Variants in SGCZ observed in about 807,000 individuals in gnomAD.
SGCZ encodes zeta-sarcoglycan.
SGCZ carries 40 observed loss-of-function variants against 41.3 expected under a neutral mutation model. The ratio of observed to expected loss-of-function variants is 0.97; its 90% CI spans 0.75 to 1.26. The LOEUF is 1.26. SGCZ is among the 50% of genes most tolerant of loss of function. SGCZ has a pLI of 0.00. For missense variants in SGCZ, 552 were observed against 369.8 expected (o/e 1.49, Z -4.04); for synonymous variants, 206 against 137.5 (o/e 1.50, Z -3.49).
chr8:15,038,543 C>T (rs1803951087), intron 1 of SGCZ, among the ~76,000 whole-genome samples: 1 of 151,438 alleles, frequency 6.6e-6, no homozygotes, highest in Admixed American at 6.6e-5. Context: ...TAACATTGGT[C>T]TGGTCAATGA....
rs974853302 is a variant in SGCZ at position 15,138,163 on chromosome 8, C to T, written c.39+99422G>A. 3.9e-5 allele frequency among the ~76,000 whole-genome samples: 6 copies of T among 152,292 alleles called. No homozygotes were observed. The South Asian group carries it at 1.0e-3, about 26-fold the overall frequency. On this transcript the variant is annotated intron_variant, in intron 1 of 7. Transcript: ENST00000382080. ...TGCCTTACTGGATTTTGGACTTGCACGCAGCCTGTAGCCCCTTGTTTTGGC... is the reference window on the plus strand; with the variant it reads ...TGCCTTACTGGATTTTGGACTTGCATGCAGCCTGTAGCCCCTTGTTTTGGC...
intron 1 of SGCZ, among the ~76,000 whole-genome samples, chr8:14,703,258 G>A (rs556848058): frequency 5.3e-5 from 8 of 151,850 alleles, no homozygotes; most frequent in Admixed American, 2.6e-4. Flanking sequence ...ATCTCTTACC[G>A]TCAACCCCTT....
At chr8:14,628,519 G>A (rs1806537751) in intron 1 of SGCZ, among the ~76,000 whole-genome samples, 1 of 151,980 alleles carries the variant, frequency 6.6e-6, no homozygotes, top group South Asian at 2.1e-4. Context: ...CTACACCCAG[G>A]CCTACCCTCA....
At chr8:14,556,249 G>GT (rs537117575) in intron 1 of SGCZ, among the ~76,000 whole-genome samples, 2 of 151,672 alleles carry the variant, frequency 1.3e-5, no homozygotes, top group East Asian at 1.9e-4. Context: ...TATCTCTTCA[G>GT]TTTTTTCTCA....
At chr8:14,549,567 C>G (rs1803737300) in intron 2 of SGCZ, among the ~76,000 whole-genome samples, 1 of 152,006 alleles carries the variant, frequency 6.6e-6, no homozygotes, top group Non-Finnish European at 1.5e-5. Flanking sequence ...ATGTGCTCAA[C>G]CAAGATATCA....
intron 1 of SGCZ, among the ~76,000 whole-genome samples, chr8:15,079,763 T>C (rs369419115): frequency 6.6e-6 from 1 of 152,324 alleles, no homozygotes; most frequent in Admixed American, 6.5e-5. Context: ...AGGGAGTCCA[T>C]GTGCAGGCTG....
At chr8:14,565,147 G>T (rs907745061) in intron 1 of SGCZ, among the ~76,000 whole-genome samples, 9 of 152,118 alleles carry the variant, frequency 5.9e-5, no homozygotes, top group Middle Eastern at 3.4e-3. Flanking sequence ...GCACTAAAAG[G>T]GAAACATTCC....
chr8:14,289,214 T>A (rs1307954481), intron 3 of SGCZ, among the ~76,000 whole-genome samples: 2 of 75,932 alleles, frequency 2.6e-5, no homozygotes, highest in Admixed American at 1.4e-4. Context: ...TCTCACATAG[T>A]AGGATTTTTT....
intron 4 of SGCZ, among the ~76,000 whole-genome samples, chr8:14,207,927 G>T (rs1416028468): frequency 6.6e-6 from 1 of 152,088 alleles, no homozygotes; most frequent in Admixed American, 6.5e-5. Context: ...GATGAGCATG[G>T]TACTACTTAT....
intron 1 of SGCZ, among the ~76,000 whole-genome samples, chr8:14,939,749 G>A (rs1269802513): frequency 3.3e-5 from 5 of 151,964 alleles, no homozygotes; most frequent in East Asian, 3.9e-4. Context: ...AGGTAAGACC[G>A]GCGCAAACAG....
intron 1 of SGCZ, among the ~76,000 whole-genome samples, chr8:15,236,486 T>A (rs1276274893): frequency 6.6e-6 from 1 of 151,980 alleles, no homozygotes; most frequent in Non-Finnish European, 1.5e-5. Context: ...CCAGAATCCA[T>A]CTGAACCTCT....
intron 1 of SGCZ, among the ~76,000 whole-genome samples, chr8:14,790,750 G>T (rs1474720961): frequency 6.6e-6 from 1 of 152,076 alleles, no homozygotes; most frequent in South Asian, 2.1e-4. Flanking sequence ...ATAGTATACA[G>T]CCAGGAACGT....
chr8:14,310,757 C>G (rs541329933), intron 3 of SGCZ, among the ~76,000 whole-genome samples: 2 of 152,156 alleles, frequency 1.3e-5, no homozygotes, highest in South Asian at 2.1e-4. Context: ...GCAAGACAGT[C>G]TCTGTATTAT....
chr8:14,185,604 T>C (rs1010606037), intron 4 of SGCZ, among the ~76,000 whole-genome samples: 4 of 152,164 alleles, frequency 2.6e-5, no homozygotes, highest in Non-Finnish European at 5.9e-5. Context: ...GCTCCTCTCA[T>C]AGTACTTTTG....
intron 2 of SGCZ, among the ~76,000 whole-genome samples, chr8:14,385,226 C>G (rs904755528): frequency 3.9e-5 from 6 of 152,090 alleles, no homozygotes; most frequent in Non-Finnish European, 7.3e-5. Flanking sequence ...CAGGTGGACT[C>G]ATGAACTGGT....
At chr8:15,077,940 C>T (rs73665382) in intron 1 of SGCZ, among the ~76,000 whole-genome samples, 7,060 of 112,450 alleles carry the variant, frequency 0.063, 537 homozygotes, top group African/African-American at 0.21. Flanking sequence ...CAAGTGTTTA[C>T]ACGAGATGTT....
In SGCZ at chr8:15,107,419, G is replaced by T. The variant is rs184698620; in HGVS notation, c.39+130166C>A. On this transcript the variant is annotated intron_variant, in intron 1 of 7. Coordinates refer to ENST00000382080, the MANE Select transcript of SGCZ (RefSeq NM_139167.4). ...ATAGATTAATAACCTCCTTCAGGGTGAGAGGATTCTTCCTTCAATCATTTA... is the reference window on the plus strand; with the variant it reads ...ATAGATTAATAACCTCCTTCAGGGTTAGAGGATTCTTCCTTCAATCATTTA... 3.0e-4 allele frequency among the ~76,000 whole-genome samples: 45 copies of T among 152,260 alleles called. 1 individual carries two copies. The East Asian group carries it at 4.8e-3, about 16-fold the overall frequency.
chr8:15,088,227 T>G (rs1406815543), intron 1 of SGCZ, among the ~76,000 whole-genome samples: 3 of 152,206 alleles, frequency 2.0e-5, no homozygotes, highest in African/African-American at 7.2e-5. Context: ...AGAATGTGCC[T>G]ACATTTACAC....
intron 2 of SGCZ, among the ~76,000 whole-genome samples, chr8:14,412,712 T>G (rs67565539): frequency 0.32 from 48,098 of 151,832 alleles, 7,727 homozygotes; most frequent in Admixed American, 0.36. Context: ...CAAGGGCTAA[T>G]GTATTCAATA....
Sources: allele counts gnomAD v4.1 joint callset (sites outside exome capture counted in the v4.1 genomes callset), GRCh38; gene constraint gnomAD v4.1.1; transcripts MANE v1.5; gene names NCBI Gene and HGNC (gene_info 2026-07-23, HGNC 2026-07-21).